MCF2L: variants seen among roughly 807,000 people sequenced by gnomAD.
The protein encoded by MCF2L is guanine nucleotide exchange factor DBS.
MCF2L carries 97 observed loss-of-function variants against 153.4 expected under a neutral mutation model. The ratio of observed to expected loss-of-function variants is 0.63; its 90% confidence interval spans 0.54 to 0.75. The LOEUF is 0.75. Among genes scored for constraint, MCF2L ranks in the 30% least tolerant of loss-of-function variants. The pLI, the probability that MCF2L is intolerant of heterozygous loss-of-function variation, is 0.00. For missense variants in MCF2L, 1,347 were observed against 1,495.2 expected (o/e 0.90, Z 1.64); for synonymous variants, 659 against 632.2 (o/e 1.04, Z -0.64).
chr13:112,949,547 A>T (rs2081669948), intron 2 of MCF2L, among the ~76,000 whole-genome samples: 1 of 152,224 alleles, frequency 6.6e-6, no homozygotes, highest in Non-Finnish European at 1.5e-5. Context: ...GTTTTGGTTT[A>T]TACCAAGGAT....
At chr13:112,925,965 A>C (rs2081397861) in intron 2 of MCF2L, among the ~76,000 whole-genome samples, 1 of 152,254 alleles carries the variant, frequency 6.6e-6, no homozygotes, top group Non-Finnish European at 1.5e-5. Flanking sequence ...ATGGTTTCTA[A>C]AGTAAAGAAT....
intron 26 of MCF2L, chr13:113,091,193 GAGGT>G: frequency 7.7e-7 from 1 of 1,302,032 alleles, no homozygotes; most frequent in Non-Finnish European, 1.0e-6. Flanking sequence ...TTTGGTGTGC[GAGGT>G]AGAGTGGCAC....
chr13:112,902,450 C>T lies in MCF2L; in HGVS notation c.169+79C>T, dbSNP rs775589162. ...AGACCTGTGCTGTTCTTTGCTATTC[C>T]GGTCCTTTTAGAGATTGACAAGGTT... On this transcript the variant is annotated intron_variant, in intron 2 of 29. Coordinates refer to the MCF2L transcript ENST00000375608. 1.8e-4 allele frequency: 250 copies of T among 1,399,656 alleles called. 1 individual carries two copies. Among genetic ancestry groups the T allele is most frequent in the Non-Finnish European group, 2.3e-4 (236 of 1,039,410 alleles). The allele number at this position is 1,399,656 out of a possible 1,614,324, so 86.7% of individuals were successfully genotyped here.
rs1258853499 is a variant in MCF2L at position 113,070,356 on chromosome 13, C to G, written c.996+183C>G. The G allele has an allele frequency of 4.3e-6, 2 of 462,678 alleles. No individual in the cohort carries two copies. The highest frequency in any genetic ancestry group is 4.4e-5 in the Admixed American group (1 of 22,520). 28.7% of individuals were successfully genotyped at this position (462,678 alleles called of 1,614,324 possible). A position where few individuals can be genotyped will look rare whatever the true frequency, so the allele number is the denominator to read the frequency against. On this transcript the variant is annotated intron_variant, in intron 9 of 29. Transcript: ENST00000535094. This position sits in a 1 kb window ranked among gnomAD's most constrained non-coding sequence, Gnocchi z 5.6. ...AAGTCAGGCTGAGCCTTGAAATGCA[C>G]GATTGATGACTGCGTCATTGTATAG...
rs926385857 is a variant in MCF2L at position 113,070,842 on chromosome 13, T to C, written c.996+669T>C. ...TTTCAATCATTCACCTGTTGAAGGG[T>C]ATCTGGGTTGTTTCCGGATTTGAGT... On this transcript the variant is annotated intron_variant, in intron 9 of 29. Transcript: ENST00000535094. The surrounding 1 kb of genome is among the most constrained non-coding windows in gnomAD (Gnocchi z 5.6). Among the ~76,000 whole-genome samples the C allele has an allele frequency of 1.3e-5, 2 of 152,238 alleles. No homozygotes were observed. The highest frequency in any genetic ancestry group is 4.8e-5 in the African/African-American group (2 of 41,458).
In MCF2L at chr13:113,086,137, A is replaced by G; in HGVS notation, c.2261A>G (p.Tyr754Cys). Residue 754 changes from tyrosine (Y) to cysteine (C), a missense_variant, in exon 21 of 30, where the codon TAC becomes TGC. By Grantham distance (194) the Tyr-to-Cys change is radical (BLOSUM62 -2). Coordinates refer to ENST00000535094, the MANE Select transcript of MCF2L (RefSeq NM_001112732.3). ...CATGCCCCTCAGGAAATGCTGAAAT[A>G]CAGCAGGAACTGCGAGGGGGCTGAG... is the stretch of plus-strand genomic sequence containing the variant. ...YQLLLKEMLK[Y>C]SRNCEGAEDL... is the part of the protein sequence containing the mutation. 5 of 1,607,310 alleles carry G rather than the reference A, an allele frequency of 3.1e-6. No homozygotes were observed. In the Middle Eastern group the frequency reaches 8.3e-4, roughly 266 times the overall value.
chr13:113,039,441 A>G (rs1482099376), intron 3 of MCF2L, among the ~76,000 whole-genome samples: 1 of 152,240 alleles, frequency 6.6e-6, no homozygotes, highest in Non-Finnish European at 1.5e-5. Context: ...CAAAAAAGCA[A>G]TTATCAGAAA....
chr13:112,911,465 G>A (rs543479798), intron 2 of MCF2L, among the ~76,000 whole-genome samples: 1 of 152,314 alleles, frequency 6.6e-6, no homozygotes, highest in South Asian at 2.1e-4. Context: ...CAGCGTGGCC[G>A]CCATGTTGGC....
intron 3 of MCF2L, among the ~76,000 whole-genome samples, chr13:113,038,464 CAA>C (rs59638426): frequency 0.023 from 2,623 of 111,878 alleles, 61 homozygotes; most frequent in African/African-American, 0.078. Context: ...GCCTCCATCT[CAA>C]AAAAAAAAAA....
intron 27 of MCF2L, chr13:113,095,661 C>A: frequency 1.0e-6 from 1 of 991,514 alleles, no homozygotes; most frequent in African/African-American, 1.7e-5. Flanking sequence ...TCCAGGCCAT[C>A]ACGTGAGGGC....
intron 27 of MCF2L, chr13:113,095,844 T>G: frequency 1.0e-6 from 1 of 988,578 alleles, no homozygotes; most frequent in Non-Finnish European, 1.2e-6. Context: ...CTGTGCAGCA[T>G]CCGCTGTGTG....
Position 113,076,274 on chromosome 13 carries a change from T to A in MCF2L, c.1500+117T>A, listed in dbSNP as rs560494752. 1.2e-4 allele frequency: 94 copies of A among 805,008 alleles called. No individual in the cohort carries two copies. The East Asian group carries it at 1.3e-3, about 11-fold the overall frequency. The allele number at this position is 805,008 out of a possible 1,614,324, so 49.9% of individuals were successfully genotyped here. On this transcript the variant is annotated intron_variant, in intron 12 of 29. Coordinates refer to ENST00000535094, the MANE Select transcript of MCF2L (RefSeq NM_001112732.3). ...TTATTTGTATTTATTTATTATTATT[T>A]TTTTTTTGAGATGGAATCTCGCTCT... is the stretch of plus-strand genomic sequence containing the variant.
intron 2 of MCF2L, among the ~76,000 whole-genome samples, chr13:112,945,891 G>A (rs972643166): frequency 3.9e-5 from 6 of 152,200 alleles, no homozygotes; most frequent in South Asian, 2.1e-4. Context: ...GGTTTGTGCC[G>A]TGTACTTTAT....
At chr13:113,016,284 G>A (rs896821034) in intron 2 of MCF2L, among the ~76,000 whole-genome samples, 1 of 152,178 alleles carries the variant, frequency 6.6e-6, no homozygotes. Context: ...GTGCAAGAAG[G>A]ATTTGACACA....
intron 3 of MCF2L, among the ~76,000 whole-genome samples, chr13:113,040,106 T>G (rs1235422459): frequency 6.6e-6 from 1 of 152,172 alleles, no homozygotes; most frequent in Non-Finnish European, 1.5e-5. Flanking sequence ...TCCCACAATG[T>G]TGAAAGAAGC....
At chr13:113,090,591 A>AC (rs1243697069) in intron 26 of MCF2L, 7 of 985,308 alleles carry the variant, frequency 7.1e-6, no homozygotes, top group Non-Finnish European at 7.2e-6. Flanking sequence ...GACCCTTGAG[A>AC]CGGAGACGTC....
chr13:113,021,016 TG>T (rs1263977343), intron 2 of MCF2L, among the ~76,000 whole-genome samples: 1 of 101,656 alleles, frequency 9.8e-6, no homozygotes, highest in African/African-American at 3.9e-5. Context: ...TGTATCTGTA[TG>T]GTAGCTGTGT....
At chr13:113,050,167 A>T (rs930625270) in intron 4 of MCF2L, among the ~76,000 whole-genome samples, 14 of 151,444 alleles carry the variant, frequency 9.2e-5, no homozygotes, top group East Asian at 7.8e-4. Context: ...TGTGAGTGTG[A>T]GTGTGTGACT....
intron 3 of MCF2L, among the ~76,000 whole-genome samples, chr13:113,030,187 GT>G (rs748681305): frequency 6.6e-5 from 10 of 152,152 alleles, no homozygotes; most frequent in Non-Finnish European, 1.2e-4. Flanking sequence ...GGGTGAGCTC[GT>G]GCTTTGCTGA....
Sources: allele counts gnomAD v4.1 joint callset (sites outside exome capture counted in the v4.1 genomes callset), GRCh38; gene constraint gnomAD v4.1.1; non-coding constraint Gnocchi (gnomAD v3.1); transcripts MANE v1.5; gene names NCBI Gene and HGNC (gene_info 2026-07-23, HGNC 2026-07-21).